Variants in ARHGEF12 observed in about 807,000 individuals in gnomAD.
ARHGEF12 encodes Rho guanine nucleotide exchange factor 12, also known as KMT2A/ARHGEF12 fusion protein.
Under a neutral mutation model 211.2 loss-of-function variants are expected in ARHGEF12, and 66 were observed. The observed-to-expected ratio is 0.31, with a 90% CI of 0.26 to 0.38. ARHGEF12 has a LOEUF of 0.38. Among genes scored for constraint, ARHGEF12 ranks in the 10% least tolerant of loss-of-function variants. The pLI, the probability that ARHGEF12 is intolerant of heterozygous loss-of-function variation, is 1.00. For synonymous variants in ARHGEF12, 592 were observed against 638.4 expected (o/e 0.93, Z 1.09); for missense variants, 1,429 against 1,869.5 (o/e 0.76, Z 4.34).
chr11:120,367,360 T>A (rs1006109495), intron 1 of ARHGEF12, among the ~76,000 whole-genome samples: 3 of 76,198 alleles, frequency 3.9e-5, no homozygotes, highest in Non-Finnish European at 8.7e-5. Flanking sequence ...TTCCTTTTTT[T>A]TTTTTTTTTT....
At chr11:120,481,202 A>G (rs1299735768) in intron 38 of ARHGEF12, 58 bp from the exon 39 acceptor site, 2 of 1,496,006 alleles carry the variant, frequency 1.3e-6, no homozygotes, top group Non-Finnish European at 9.3e-7. Context: ...ACACTATGCT[A>G]TTTCTGTTTT....
intron 29 of ARHGEF12, 88 bp downstream of exon 29, chr11:120,467,396 A>G (rs1015991187): frequency 2.8e-6 from 2 of 721,978 alleles, no homozygotes; most frequent in Non-Finnish European, 4.5e-6. Flanking sequence ...CAGCGTCCTG[A>G]ATGGAGTTGG....
chr11:120,417,063 A>G (rs1945051005), intron 4 of ARHGEF12, among the ~76,000 whole-genome samples: 1 of 152,326 alleles, frequency 6.6e-6, no homozygotes, highest in Middle Eastern at 3.4e-3. Context: ...AATAATATTT[A>G]ACGTGTAGGA....
At chr11:120,479,480 G>A (rs543716696) in intron 37 of ARHGEF12, among the ~76,000 whole-genome samples, 63 of 152,204 alleles carry the variant, frequency 4.1e-4, no homozygotes, top group African/African-American at 1.3e-3. Context: ...CTTATTTTCA[G>A]TAAATGTATG....
At chr11:120,364,542 G>T (rs189288095) in intron 1 of ARHGEF12, among the ~76,000 whole-genome samples, 1 of 152,114 alleles carries the variant, frequency 6.6e-6, no homozygotes, top group Non-Finnish European at 1.5e-5. Flanking sequence ...TTTTAGTAGG[G>T]GCAAAGAGGA....
rs184848477 is a variant in ARHGEF12 at position 120,484,364 on chromosome 11, T to C, written c.4555-74T>C. ...CCTGTAATGTAAAAAGGGCTTCTTT[T>C]CTGTTTTCTGAAGTTTTTGTTTTGT... On this transcript the variant is annotated intron_variant, in intron 39 of 40. Transcript: ENST00000397843. 1,223 of 1,381,318 alleles carry C rather than the reference T, an allele frequency of 8.9e-4. 20 individuals carry two copies. The Admixed American group carries it at 0.022, about 24-fold the overall frequency. 85.6% of individuals were successfully genotyped at this position (1,381,318 alleles called of 1,614,324 possible). A position where few individuals can be genotyped will look rare whatever the true frequency, so the allele number is the denominator to read the frequency against.
At chr11:120,378,938 A>C (rs1943805065) in intron 1 of ARHGEF12, among the ~76,000 whole-genome samples, 1 of 152,156 alleles carries the variant, frequency 6.6e-6, no homozygotes, top group South Asian at 2.1e-4. Flanking sequence ...TGGCTCTTCT[A>C]GATCTTTGCA....
At chr11:120,438,577 C>A (rs980640350) in intron 12 of ARHGEF12, 5 of 152,184 alleles carry the variant, frequency 3.3e-5, no homozygotes, top group African/African-American at 1.2e-4. Flanking sequence ...ACTACAGGTA[C>A]ATATTATTCA....
At chr11:120,430,509 G>GA (rs1344597148) in intron 10 of ARHGEF12, among the ~76,000 whole-genome samples, 6 of 150,616 alleles carry the variant, frequency 4.0e-5, no homozygotes, top group African/African-American at 7.3e-5. Flanking sequence ...GGTCTCATAA[G>GA]AAAAAAAAAG....
At chr11:120,416,601 T>A (rs138224519) in intron 4 of ARHGEF12, among the ~76,000 whole-genome samples, 1 of 152,266 alleles carries the variant, frequency 6.6e-6, no homozygotes, top group East Asian at 1.9e-4. Flanking sequence ...TCCTTACCCA[T>A]CCAAAACTAC....
chr11:120,384,980 A>C (rs1313332743), intron 1 of ARHGEF12, among the ~76,000 whole-genome samples: 4 of 151,126 alleles, frequency 2.6e-5, no homozygotes, highest in Non-Finnish European at 5.9e-5. Context: ...GAGGGACTCC[A>C]TTTTTTGGCA....
At chr11:120,472,974 C>A in intron 30 of ARHGEF12, 76 bp from the exon 31 acceptor site, 1 of 1,420,466 alleles carries the variant, frequency 7.0e-7, no homozygotes, top group South Asian at 1.1e-5. Flanking sequence ...ATTTTAAATG[C>A]CAAGTTTGAT....
At chr11:120,427,484 C>T (rs1945380167) in intron 7 of ARHGEF12, among the ~76,000 whole-genome samples, 2 of 151,768 alleles carry the variant, frequency 1.3e-5, no homozygotes, top group African/African-American at 4.8e-5. Context: ...GGGTGGATCG[C>T]TTGAGCTCAG....
chr11:120,384,250 A>C (rs1257386584), intron 1 of ARHGEF12, among the ~76,000 whole-genome samples: 2 of 152,188 alleles, frequency 1.3e-5, no homozygotes, highest in Non-Finnish European at 2.9e-5. Flanking sequence ...TAGATCACTA[A>C]CTGTAGTTTT....
chr11:120,487,251 T>C lies in ARHGEF12; in HGVS notation c.*2174T>C, dbSNP rs1947421403. Reference sequence around the variant, plus strand: ...AGTTCAGCCAGTGTCTTGTCCTTAGTAATTATTTGCTTTCCCTGCAGTTCA... The same window carrying C: ...AGTTCAGCCAGTGTCTTGTCCTTAGCAATTATTTGCTTTCCCTGCAGTTCA... On this transcript the variant is annotated 3_prime_UTR_variant, in exon 41 of 41. Coordinates refer to ENST00000397843, the MANE Select transcript of ARHGEF12 (RefSeq NM_015313.3). 1 of 219,136 alleles carries C rather than the reference T, an allele frequency of 4.6e-6. No homozygotes were observed. The allele number at this position is 219,136 out of a possible 1,614,324, so 13.6% of individuals were successfully genotyped here.
chr11:120,395,587 C>T (rs555292225), intron 1 of ARHGEF12, among the ~76,000 whole-genome samples: 1 of 152,296 alleles, frequency 6.6e-6, no homozygotes, highest in Non-Finnish European at 1.5e-5. Flanking sequence ...TTAATTGACT[C>T]ACAGTTCCAC....
At chr11:120,453,805 A>G (rs181573173) in intron 22 of ARHGEF12, among the ~76,000 whole-genome samples, 2 of 152,336 alleles carry the variant, frequency 1.3e-5, no homozygotes, top group African/African-American at 2.4e-5. Context: ...GATAGAACCC[A>G]GTCTGCTCAT....
chr11:120,431,844 G>C lies in ARHGEF12; in HGVS notation c.857G>C (p.Gly286Ala). The change falls in exon 11 of 41, where the codon GGA (glycine) becomes GCA (alanine). Residue 286 changes from glycine to alanine, a missense_variant. Gly to Ala is a moderately conservative substitution (Grantham distance 60, BLOSUM62 0). Around this residue, in one of 7 missense-constraint regions of ARHGEF12, gnomAD observed 254 missense variants for 286.4 expected, o/e 0.89. Coordinates refer to ENST00000397843, the MANE Select transcript of ARHGEF12 (RefSeq NM_015313.3). ...LTVSEAETDP[G>A]DVLGRTDCSS... is the part of the protein sequence containing the mutation. ...GTCAGTGAGGCAGAAACAGATCCTG[G>C]AGATGTACTGGGCAGGACTGACTGT... is the stretch of plus-strand genomic sequence containing the variant. 1 of 1,614,028 alleles carries C rather than the reference G, an allele frequency of 6.2e-7. No homozygotes were observed. Among genetic ancestry groups the C allele is most frequent in the Non-Finnish European group, 8.5e-7 (1 of 1,179,920 alleles).
chr11:120,422,295 A>C (rs902383956), intron 6 of ARHGEF12, among the ~76,000 whole-genome samples: 2 of 152,170 alleles, frequency 1.3e-5, no homozygotes, highest in Non-Finnish European at 2.9e-5. Context: ...CACCAGGTAC[A>C]GTAGCTTGAG....
Sources: allele counts gnomAD v4.1 joint callset (sites outside exome capture counted in the v4.1 genomes callset), GRCh38; gene constraint gnomAD v4.1.1; regional missense constraint gnomAD v4.1.1; transcripts MANE v1.5; gene names NCBI Gene and HGNC (gene_info 2026-07-23, HGNC 2026-07-21).